Variants in NDRG2 observed in about 807,000 individuals in gnomAD.
NDRG2 encodes NDRG family member 2.
NDRG2 carries 34 observed loss-of-function variants against 58.2 expected under a neutral mutation model. The observed-to-expected ratio is 0.58, with a 90% CI of 0.44 to 0.78. The LOEUF is 0.78. Ranked by LOEUF, NDRG2 falls within the 30% of genes least tolerant of loss-of-function variation. The pLI, the probability that NDRG2 is intolerant of heterozygous loss-of-function variation, is 0.00. For synonymous variants in NDRG2, 187 were observed against 175.9 expected, an observed-to-expected ratio of 1.06 and a Z score of -0.50; for missense variants, 434 against 471.2, an observed-to-expected ratio of 0.92 and a Z score of 0.73.
chr14:21,047,081 C>T (rs1885209270), intron 1 of NDRG2, among the ~76,000 whole-genome samples: 1 of 152,156 alleles, frequency 6.6e-6, no homozygotes, highest in African/African-American at 2.4e-5. Flanking sequence ...AGCTAACACA[C>T]TCTCTTCTAT....
intron 1 of NDRG2, among the ~76,000 whole-genome samples, chr14:21,052,482 T>G (rs562545259): frequency 2.0e-5 from 3 of 152,226 alleles, no homozygotes; most frequent in South Asian, 2.1e-4. Context: ...TGGATAATAT[T>G]TGAGGGAGGA....
At position 21,020,791 on chromosome 14, in the gene NDRG2, C is replaced by A. The variant is rs779836881; in HGVS notation, c.461G>T (p.Arg154Ile). 4 of 1,614,096 alleles carry A rather than the reference C, an allele frequency of 2.5e-6. No individual in the cohort carries two copies. The highest frequency in any genetic ancestry group is 3.4e-6 in the Non-Finnish European group (4 of 1,180,020). ...GVGAGAYILA[R>I]YALNHPDTVE... The stretch of plus-strand genomic sequence containing the variant: ...GGGCTTTTTATTTCTTACAGCATAT[C>A]TCGCCAGGATGTAGGCTCCAGCTCC... Residue 154 changes from arginine to isoleucine, a missense_variant, in exon 7 of 16, where the codon AGA becomes ATA. Physicochemically the swap from Arg to Ile is moderately conservative, Grantham distance 97. Coordinates refer to ENST00000556147, the MANE Select transcript of NDRG2 (RefSeq NM_001320329.2).
At chr14:21,066,978 C>T (rs1886302507) in intron 1 of NDRG2, among the ~76,000 whole-genome samples, 1 of 152,178 alleles carries the variant, frequency 6.6e-6, no homozygotes. Flanking sequence ...TCAAGTCCGT[C>T]CCTAAAATTC....
At chr14:21,033,437 G>T in intron 1 of NDRG2, 1 of 294,074 alleles carries the variant, frequency 3.4e-6, no homozygotes, top group South Asian at 3.8e-5. Context: ...GGGGAGGTGA[G>T]ACTCGGAGCT....
chr14:21,045,425 T>C (rs1885100212), intron 1 of NDRG2, among the ~76,000 whole-genome samples: 1 of 152,232 alleles, frequency 6.6e-6, no homozygotes, highest in Non-Finnish European at 1.5e-5. Context: ...ACTTCTGGGA[T>C]TCTTGAATAA....
At chr14:21,034,880 C>T (rs1884516387) in intron 1 of NDRG2, 1 of 153,028 alleles carries the variant, frequency 6.5e-6, no homozygotes, top group Admixed American at 6.5e-5. Flanking sequence ...ATCTGGTCTC[C>T]TCCTCTACAG....
At chr14:21,053,282 A>G (rs950800157) in intron 1 of NDRG2, among the ~76,000 whole-genome samples, 3 of 152,130 alleles carry the variant, frequency 2.0e-5, no homozygotes, top group African/African-American at 7.2e-5. Flanking sequence ...CAGGAGTTTG[A>G]GACCAGTGCT....
At chr14:21,033,856 C>T (rs1884421889) in intron 1 of NDRG2, 4 of 1,613,950 alleles carry the variant, frequency 2.5e-6, no homozygotes, top group Non-Finnish European at 3.4e-6. Context: ...CCTATTGGAT[C>T]AGCTTCATAC....
intron 1 of NDRG2, among the ~76,000 whole-genome samples, chr14:21,056,250 G>A (rs1023472821): frequency 6.6e-6 from 1 of 152,126 alleles, no homozygotes; most frequent in Non-Finnish European, 1.5e-5. Context: ...CCCAACTGCA[G>A]TCATTTGCTT....
Position 21,043,105 on chromosome 14 carries a change from G to A in NDRG2, c.25-19784C>T, listed in dbSNP as rs959782814. On this transcript the variant is annotated intron_variant, in intron 1 of 14. Transcript: ENST00000403829. ...CCCAAGGGCATGACCTCATCACAGT[G>A]GTTTAAAATTCAGCACATGCAGCCC... 4 of 1,614,000 alleles carry A rather than the reference G, an allele frequency of 2.5e-6. No homozygotes were observed. The Admixed American group carries it at 6.7e-5, about 27-fold the overall frequency.
intron 1 of NDRG2, among the ~76,000 whole-genome samples, chr14:21,055,596 T>C (rs183749531): frequency 3.3e-5 from 5 of 152,164 alleles, no homozygotes; most frequent in Non-Finnish European, 7.4e-5. Flanking sequence ...GCCAGCTGCA[T>C]GGGCCAGTAC....
upstream of NDRG2, chr14:21,025,196 G>C (rs1203677474): frequency 2.3e-6 from 2 of 866,128 alleles, no homozygotes; most frequent in East Asian, 1.2e-4. The surrounding 1 kb of genome is among the most constrained non-coding windows in gnomAD (Gnocchi z 5.1). Flanking sequence ...CTTTCACCCC[G>C]CCCAGACTGC....
intron 1 of NDRG2, among the ~76,000 whole-genome samples, chr14:21,053,603 G>A (rs8013775): frequency 0.016 from 2,420 of 152,164 alleles, 65 homozygotes; most frequent in African/African-American, 0.053. Context: ...GTCTAGCCTG[G>A]GCGGCAGAGC....
At chr14:21,068,881 G>A (rs1886443788) in intron 1 of NDRG2, among the ~76,000 whole-genome samples, 1 of 152,262 alleles carries the variant, frequency 6.6e-6, no homozygotes, top group Non-Finnish European at 1.5e-5. Flanking sequence ...AAAAGGTGGA[G>A]GTTAGCGTCC....
intron 1 of NDRG2, chr14:21,033,020 T>A (rs904744913): frequency 6.6e-6 from 3 of 453,744 alleles, no homozygotes; most frequent in African/African-American, 2.0e-5. Context: ...GACTCTGGAG[T>A]CTGGGGGATT....
Position 21,018,009 on chromosome 14 carries a change from G to A in NDRG2, c.927C>T (p.Tyr309=). Residue 309 remains tyrosine, a synonymous_variant, in exon 15 of 16, where the codon TAC becomes TAT. Transcript: ENST00000556147. Reference sequence around the variant, plus strand: ...CACTGTAGCCCATGCCTTGCAGGAAGTACTTGAAGGCCTCGGTCAGCTTGC... The same window carrying A: ...CACTGTAGCCCATGCCTTGCAGGAAATACTTGAAGGCCTCGGTCAGCTTGC... ...QPGKLTEAFK[Y]FLQGMGYMAS... The A allele has an allele frequency of 1.9e-6, 3 of 1,614,190 alleles. No individual in the cohort carries two copies. Among genetic ancestry groups the A allele is most frequent in the Middle Eastern group, 1.6e-4 (1 of 6,062 alleles).
chr14:21,057,800 A>G, intron 1 of NDRG2: 1 of 1,087,176 alleles, frequency 9.2e-7, no homozygotes, highest in Non-Finnish European at 1.3e-6. Flanking sequence ...GGCTTAGGGT[A>G]TGAAATTCTT....
Position 21,068,163 on chromosome 14 carries a change from C to G in NDRG2, c.24+2665G>C, listed in dbSNP as rs1249829269. Among the ~76,000 whole-genome samples the G allele has an allele frequency of 4.1e-5, 2 of 49,294 alleles. 1 individual carries two copies. The highest frequency in any genetic ancestry group is 8.8e-5 in the African/African-American group (2 of 22,672). The allele number at this position is 49,294 out of a possible 152,430, so 32.3% of individuals were successfully genotyped here. On this transcript the variant is annotated intron_variant, in intron 1 of 14. Transcript: ENST00000403829. ...TACAGGCGCCCGCTACCACGCCCGG[C>G]TAATTTTTTGTATTTTTAGTAGAGA...
chr14:21,033,193 G>A (rs1884361108), intron 1 of NDRG2: 1 of 354,960 alleles, frequency 2.8e-6, no homozygotes, highest in Non-Finnish European at 5.5e-6. Context: ...GGGGGAGACA[G>A]TCCTAGGCTC....
Sources: gnomAD v4.1 joint callset for allele counts (sites outside exome capture counted in the v4.1 genomes callset) on GRCh38, gnomAD v4.1.1 for gene constraint, Gnocchi (gnomAD v3.1) non-coding constraint, MANE v1.5 for transcripts, NCBI Gene and HGNC (gene_info 2026-07-23, HGNC 2026-07-21) for gene names.